Variants in ARHGEF9 observed in about 807,000 individuals in gnomAD.
ARHGEF9 encodes the protein rho guanine nucleotide exchange factor 9.
ARHGEF9 carries 2 observed loss-of-function variants against 41.3 expected under a neutral mutation model. The ratio of observed to expected loss-of-function variants is 0.05; its 90% confidence interval spans 0.02 to 0.15. The LOEUF (loss-of-function observed/expected upper bound fraction) is 0.15. Ranked by LOEUF, ARHGEF9 falls within the 10% of genes least tolerant of loss-of-function variation. ARHGEF9 has a pLI of 1.00. For missense variants in ARHGEF9, 225 were observed against 424.7 expected (o/e 0.53, Z 4.13); for synonymous variants, 160 against 154.4 (o/e 1.04, Z -0.27).
intron 1 of ARHGEF9, among the ~76,000 whole-genome samples, chrX:63,737,270 G>A (rs1202856272): frequency 1.8e-5 from 2 of 112,681 alleles, no homozygotes; most frequent in Non-Finnish European, 3.7e-5. Flanking sequence ...GGGATGGGAA[G>A]AATGAGCTCT....
intron 9 of ARHGEF9, chrX:63,640,987 C>A (rs1339204787): frequency 9.0e-6 from 1 of 111,625 alleles, no homozygotes; most frequent in Non-Finnish European, 1.9e-5. Context: ...GTTACTACAG[C>A]CCTGGACTAG....
At chrX:63,642,710 C>A (rs782431806) in intron 9 of ARHGEF9, 1 of 111,826 alleles carries the variant, frequency 8.9e-6, no homozygotes, top group African/African-American at 3.2e-5. Flanking sequence ...TGAATCTGAT[C>A]ATTTTGGATG....
chrX:63,783,312 T>C (rs1556463415), intron 1 of ARHGEF9, among the ~76,000 whole-genome samples: 1 of 105,743 alleles, frequency 9.5e-6, no homozygotes, highest in East Asian at 3.0e-4. Flanking sequence ...TTCGCTCTTG[T>C]TGCTCAGGCT....
At chrX:63,643,356 T>C (rs2047763056) in intron 9 of ARHGEF9, among the ~76,000 whole-genome samples, 1 of 109,205 alleles carries the variant, frequency 9.2e-6, no homozygotes, top group Non-Finnish European at 1.9e-5. Context: ...GCAATATCTT[T>C]ATACTTTTTT....
At chrX:63,725,717 G>T (rs1448927278) in intron 1 of ARHGEF9, 15 of 112,143 alleles carry the variant, frequency 1.3e-4, no homozygotes, top group African/African-American at 4.2e-4. Context: ...AACTGTTCCA[G>T]CTTGTATGGG....
At chrX:63,642,857 A>T (rs1385829308) in intron 9 of ARHGEF9, 1 of 111,567 alleles carries the variant, frequency 9.0e-6, no homozygotes, top group Non-Finnish European at 1.9e-5. Flanking sequence ...TCAGTAATTG[A>T]GGCAAGACAG....
chrX:63,776,905 C>T lies in ARHGEF9; in HGVS notation c.30+8211G>A, dbSNP rs190481035. Among the ~76,000 whole-genome samples the T allele has an allele frequency of 1.2e-3, 138 of 111,475 alleles. 2 individuals carry two copies. Among genetic ancestry groups the T allele is most frequent in the Middle Eastern group, 4.6e-3 (1 of 216 alleles). The stretch of plus-strand genomic sequence containing the variant: ...TCCCTCTGAGCTCAATATCTGATCA[C>T]CAACTGCCTATTAGATATCTACAAT... On this transcript the variant is annotated intron_variant, in intron 1 of 9. Transcript: ENST00000671741.
At chrX:63,712,460 TAC>T (rs2053001645) in intron 2 of ARHGEF9, among the ~76,000 whole-genome samples, 3 of 111,727 alleles carry the variant, frequency 2.7e-5, no homozygotes, top group Non-Finnish European at 3.8e-5. Flanking sequence ...GCTAAGAAAG[TAC>T]AGTTTTAAAT....
At chrX:63,640,618 A>G (rs2047565944) in intron 9 of ARHGEF9, 1 of 112,121 alleles carries the variant, frequency 8.9e-6, no homozygotes, top group Non-Finnish European at 1.9e-5. Context: ...AGCGTGAAAG[A>G]CAAAGGTCAA....
At chrX:63,719,117 T>G (rs1476436728) in intron 2 of ARHGEF9, among the ~76,000 whole-genome samples, 1 of 112,233 alleles carries the variant, frequency 8.9e-6, no homozygotes, top group East Asian at 2.8e-4. Context: ...GAAATTCTAG[T>G]ACAGGGGAGA....
chrX:63,645,678 G>T (rs782111347), intron 8 of ARHGEF9, among the ~76,000 whole-genome samples: 2 of 111,538 alleles, frequency 1.8e-5, no homozygotes, highest in African/African-American at 6.5e-5. Context: ...GAATAGTGCC[G>T]CAATAAACAT....
chrX:63,650,185 C>A (rs1261823916), intron 8 of ARHGEF9, among the ~76,000 whole-genome samples: 1 of 111,120 alleles, frequency 9.0e-6, no homozygotes, highest in African/African-American at 3.3e-5. Flanking sequence ...GGGTATGTAT[C>A]CAAAAGAAAG....
chrX:63,766,615 G>T (rs1486504868), intron 1 of ARHGEF9, among the ~76,000 whole-genome samples: 1 of 111,818 alleles, frequency 8.9e-6, no homozygotes, highest in East Asian at 2.8e-4. Context: ...AACACTCAAA[G>T]GACTTCTCTG....
intron 8 of ARHGEF9, among the ~76,000 whole-genome samples, chrX:63,653,390 G>A (rs781920860): frequency 9.0e-6 from 1 of 111,342 alleles, no homozygotes; most frequent in South Asian, 3.8e-4. Flanking sequence ...ATGGAATTCT[G>A]AGCCACTTAG....
In ARHGEF9 at chrX:63,712,259, T is replaced by C. The variant is rs142834077; in HGVS notation, c.211-5810A>G. Reference sequence around the variant, plus strand: ...ATATAGTTACCATATGATTCAACAATTCCACTCGTAGGTGCGTACTCAAGA... The same window carrying C: ...ATATAGTTACCATATGATTCAACAACTCCACTCGTAGGTGCGTACTCAAGA... On this transcript the variant is annotated intron_variant, in intron 2 of 9. Coordinates refer to ENST00000671741, the MANE Select transcript of ARHGEF9 (RefSeq NM_001353921.2). Among the ~76,000 whole-genome samples the C allele has an allele frequency of 2.7e-3, 308 of 112,028 alleles. 1 individual carries two copies. The highest frequency in any genetic ancestry group is 9.3e-3 in the African/African-American group (288 of 30,907).
intron 7 of ARHGEF9, among the ~76,000 whole-genome samples, chrX:63,660,472 G>T (rs1200632106): frequency 9.0e-6 from 1 of 111,438 alleles, no homozygotes; most frequent in Non-Finnish European, 1.9e-5. Flanking sequence ...GAAATCATTT[G>T]TGTACCAAAA....
chrX:63,701,874 C>T (rs1325617788), intron 3 of ARHGEF9, among the ~76,000 whole-genome samples: 2 of 111,852 alleles, frequency 1.8e-5, no homozygotes, highest in Non-Finnish European at 3.8e-5. Flanking sequence ...CTGGGCTTGG[C>T]ATTTTAGGCT....
chrX:63,735,741 G>C (rs782272535), intron 1 of ARHGEF9, among the ~76,000 whole-genome samples: 1 of 111,921 alleles, frequency 8.9e-6, no homozygotes, highest in African/African-American at 3.3e-5. Flanking sequence ...AGCATGCCCA[G>C]CAAGGACACA....
At chrX:63,710,296 G>GAAA (rs75149222) in intron 2 of ARHGEF9, among the ~76,000 whole-genome samples, 87 of 22,274 alleles carry the variant, frequency 3.9e-3, no homozygotes, top group South Asian at 7.0e-3. Context: ...CCACATGGGA[G>GAAA]AAAAAAAAAA....
Sources: allele counts gnomAD v4.1 joint callset (sites outside exome capture counted in the v4.1 genomes callset), GRCh38; gene constraint gnomAD v4.1.1; transcripts MANE v1.5; gene names NCBI Gene and HGNC (gene_info 2026-07-23, HGNC 2026-07-21).